The following FLI1 variants were observed in gnomAD, a reference collection of about 807,000 sequenced individuals.
The protein encoded by FLI1 is Fli-1 proto-oncogene, ETS transcription factor, also known as Friend leukemia integration 1 transcription factor.
Under a neutral mutation model 53.1 loss-of-function variants are expected in FLI1, and 13 were observed. The ratio of observed to expected loss-of-function variants is 0.24; its 90% confidence interval spans 0.16 to 0.39. The LOEUF (loss-of-function observed/expected upper bound fraction) is 0.39, where lower values mean the gene tolerates loss of function less well. Ranked by LOEUF, FLI1 falls within the 10% of genes least tolerant of loss-of-function variation. FLI1 has a pLI of 1.00. For missense variants in FLI1, 424 were observed against 600.5 expected (o/e 0.71, Z 3.07); for synonymous variants, 244 against 236.7 (o/e 1.03, Z -0.28).
intron 1 of FLI1, among the ~76,000 whole-genome samples, chr11:128,715,985 T>G (rs1421826896): frequency 6.6e-6 from 1 of 152,218 alleles, no homozygotes; most frequent in East Asian, 1.9e-4. Context: ...CAGGGAGAGC[T>G]GCCAAGCTGC....
At chr11:128,774,264 G>A (rs574763881) in intron 4 of FLI1, among the ~76,000 whole-genome samples, 10 of 152,280 alleles carry the variant, frequency 6.6e-5, no homozygotes, top group East Asian at 3.9e-4. Flanking sequence ...TTTCCGAGGC[G>A]TCTGGTAACT....
At chr11:128,777,742 A>G (rs1046311604) in intron 4 of FLI1, among the ~76,000 whole-genome samples, 2 of 152,382 alleles carry the variant, frequency 1.3e-5, no homozygotes, top group East Asian at 1.9e-4. Flanking sequence ...CAGAGAAAAG[A>G]GAGACCTGGA....
At chr11:128,795,557 C>CA (rs1942410814) in intron 5 of FLI1, among the ~76,000 whole-genome samples, 1 of 90,532 alleles carries the variant, frequency 1.1e-5, no homozygotes, top group Admixed American at 1.6e-4. Context: ...ATATAGAAAG[C>CA]AATTTTTTTT....
intron 5 of FLI1, among the ~76,000 whole-genome samples, chr11:128,793,860 TG>T (rs1388064980): frequency 1.3e-5 from 2 of 152,134 alleles, no homozygotes; most frequent in Non-Finnish European, 2.9e-5. Flanking sequence ...GGACTGTTGC[TG>T]GGGGTCTCCA....
At position 128,810,668 on chromosome 11, in the gene FLI1, A is replaced by G; in HGVS notation, c.1039A>G (p.Ile347Val). The part of the protein sequence containing the change: ...RALRYYYDKN[I>V]MTKVHGKRYA... ...CCTCCGTTATTACTATGATAAAAAC[A>G]TTATGACCAAAGTGCACGGCAAAAG... Residue 347 changes from isoleucine (I) to valine (V), a missense_variant, in exon 9 of 9, where the codon ATT (isoleucine) becomes GTT (valine). Ile to Val is a conservative substitution (Grantham distance 29, BLOSUM62 3). Around this residue, in one of 5 missense-constraint regions of FLI1, gnomAD observed 71 missense variants for 174.2 expected, o/e 0.41. Coordinates refer to ENST00000527786, the MANE Select transcript of FLI1 (RefSeq NM_002017.5). The surrounding 1 kb of genome is among the most constrained non-coding windows in gnomAD (Gnocchi z 6.6). 1.9e-6 allele frequency: 3 copies of G among 1,614,116 alleles called. No individual in the cohort carries two copies. Among genetic ancestry groups the G allele is most frequent in the Non-Finnish European group, 2.5e-6 (3 of 1,179,930 alleles).
At chr11:128,718,589 C>A (rs987984159) in intron 1 of FLI1, among the ~76,000 whole-genome samples, 1 of 152,204 alleles carries the variant, frequency 6.6e-6, no homozygotes, top group African/African-American at 2.4e-5. Context: ...TTGTTTCCTG[C>A]ACCTGGAGAC....
At chr11:128,768,381 A>C in intron 3 of FLI1, 109 bp downstream of exon 3, 1 of 1,409,090 alleles carries the variant, frequency 7.1e-7, no homozygotes, top group Non-Finnish European at 9.9e-7. Flanking sequence ...GAATTGCAAA[A>C]TGGAGAAAGC....
intron 2 of FLI1, among the ~76,000 whole-genome samples, chr11:128,759,384 G>T (rs1941020960): frequency 1.3e-5 from 2 of 152,218 alleles, no homozygotes; most frequent in South Asian, 4.1e-4. Flanking sequence ...TCAGAGCAGT[G>T]ACTTAAGACT....
chr11:128,780,329 C>A (rs1030552945), intron 4 of FLI1, among the ~76,000 whole-genome samples: 1 of 152,254 alleles, frequency 6.6e-6, no homozygotes, highest in Non-Finnish European at 1.5e-5. Context: ...TTATAAAATT[C>A]TCTTCCTCTG....
intron 1 of FLI1, among the ~76,000 whole-genome samples, chr11:128,755,100 G>A (rs1178763885): frequency 2.6e-5 from 4 of 152,100 alleles, no homozygotes; most frequent in Admixed American, 6.5e-5. Flanking sequence ...TCTTGATTTT[G>A]CCGTCTGCAT....
chr11:128,767,473 T>C (rs895945799), intron 2 of FLI1, among the ~76,000 whole-genome samples: 1 of 152,206 alleles, frequency 6.6e-6, no homozygotes, highest in African/African-American at 2.4e-5. Flanking sequence ...TCATTAACCA[T>C]GAAAAGGAGA....
chr11:128,687,169 G>C (rs1021348021), intron 1 of FLI1, among the ~76,000 whole-genome samples: 1 of 152,278 alleles, frequency 6.6e-6, no homozygotes, highest in African/African-American at 2.4e-5. Flanking sequence ...TTCTCCTACA[G>C]GTGAGACACG....
intron 4 of FLI1, among the ~76,000 whole-genome samples, chr11:128,777,450 A>T (rs1386074534): frequency 6.6e-6 from 1 of 152,136 alleles, no homozygotes; most frequent in Non-Finnish European, 1.5e-5. Context: ...CCCATTTTTA[A>T]TTTAAACTTT....
chr11:128,798,331 A>G (rs1247566558), intron 5 of FLI1, among the ~76,000 whole-genome samples: 1 of 152,188 alleles, frequency 6.6e-6, no homozygotes, highest in Non-Finnish European at 1.5e-5. Flanking sequence ...TCATTTAGAC[A>G]TCTGTGTCAC....
At chr11:128,807,525 T>G (rs1372806724) in intron 7 of FLI1, among the ~76,000 whole-genome samples, 1 of 152,178 alleles carries the variant, frequency 6.6e-6, no homozygotes, top group Non-Finnish European at 1.5e-5. Flanking sequence ...AGTGACTTGC[T>G]AAAAACCATA....
intron 1 of FLI1, among the ~76,000 whole-genome samples, chr11:128,740,093 A>G (rs1940070467): frequency 6.6e-6 from 1 of 152,168 alleles, no homozygotes; most frequent in Non-Finnish European, 1.5e-5. Flanking sequence ...TCTGCCCCAT[A>G]AGCGCAGAAA....
intron 5 of FLI1, among the ~76,000 whole-genome samples, chr11:128,795,707 C>T (rs774065178): frequency 6.6e-6 from 1 of 152,006 alleles, no homozygotes; most frequent in Non-Finnish European, 1.5e-5. Context: ...CCCACCACCA[C>T]GCCCAACTAA....
In FLI1 at chr11:128,745,431, A is replaced by G. The variant is rs147939627; in HGVS notation, c.19-12684A>G. Among the ~76,000 whole-genome samples the G allele has an allele frequency of 2.5e-3, 388 of 152,178 alleles. 3 individuals are homozygous for G. Among genetic ancestry groups the G allele is most frequent in the African/African-American group, 8.3e-3 (344 of 41,512 alleles). On this transcript the variant is annotated intron_variant, in intron 1 of 8. Transcript: ENST00000527786. The stretch of plus-strand genomic sequence containing the variant: ...TTCTGCCACATGTCACAGCAACAAT[A>G]TGGTAACCATATGCCCCGAGCCACA...
chr11:128,715,753 G>GA (rs914382813), intron 1 of FLI1, among the ~76,000 whole-genome samples: 8 of 152,024 alleles, frequency 5.3e-5, no homozygotes, highest in Non-Finnish European at 8.8e-5. Context: ...CAAGGCAGAG[G>GA]AAAAAAAATG....
Sources: gnomAD v4.1 joint callset for allele counts (sites outside exome capture counted in the v4.1 genomes callset) on GRCh38, gnomAD v4.1.1 for gene constraint, gnomAD v4.1.1 regional missense constraint, Gnocchi (gnomAD v3.1) non-coding constraint, MANE v1.5 for transcripts, NCBI Gene and HGNC (gene_info 2026-07-23, HGNC 2026-07-21) for gene names.